The following TLL1 variants were observed in gnomAD, a reference collection of about 807,000 sequenced individuals.
TLL1 encodes the protein tolloid-like protein 1.
In TLL1, 49 loss-of-function variants were observed where a neutral mutation model predicts 128.2. The ratio of observed to expected loss-of-function variants is 0.38; its 90% confidence interval spans 0.30 to 0.48. TLL1 has a LOEUF of 0.48. Among genes scored for constraint, TLL1 ranks in the 20% least tolerant of loss-of-function variants. The pLI is 0.96. For missense variants in TLL1, 1,123 were observed against 1,242.0 expected, an observed-to-expected ratio of 0.90 and a Z score of 1.44; for synonymous variants, 454 against 418.8, an observed-to-expected ratio of 1.08 and a Z score of -1.03.
intron 16 of TLL1, among the ~76,000 whole-genome samples, chr4:166,073,196 G>A (rs558665468): frequency 3.0e-4 from 45 of 150,766 alleles, no homozygotes; most frequent in African/African-American, 1.1e-3. Context: ...TAGAAAGTCA[G>A]AGTGAAAAAC....
intron 1 of TLL1, among the ~76,000 whole-genome samples, chr4:165,884,457 G>A (rs1731088336): frequency 6.6e-6 from 1 of 152,224 alleles, no homozygotes; most frequent in African/African-American, 2.4e-5. Context: ...ACTAGTACAA[G>A]TGTAACCAAT....
chr4:165,940,473 A>G (rs978382198), intron 1 of TLL1, among the ~76,000 whole-genome samples: 8 of 152,176 alleles, frequency 5.3e-5, no homozygotes, highest in African/African-American at 1.9e-4. Context: ...TTAAAAATAC[A>G]TACGTGTATT....
intron 1 of TLL1, among the ~76,000 whole-genome samples, chr4:165,985,050 G>A (rs1448879611): frequency 6.6e-6 from 1 of 151,996 alleles, no homozygotes; most frequent in East Asian, 1.9e-4. Flanking sequence ...GCCTCAAAAT[G>A]TGTATATTGA....
intron 16 of TLL1, among the ~76,000 whole-genome samples, chr4:166,068,247 A>G (rs1740662356): frequency 6.6e-6 from 1 of 151,766 alleles, no homozygotes; most frequent in Admixed American, 6.6e-5. Flanking sequence ...TTTGTAATAA[A>G]TTGCTGTTGT....
intron 1 of TLL1, among the ~76,000 whole-genome samples, chr4:165,949,925 A>G (rs1308584317): frequency 1.3e-5 from 2 of 152,150 alleles, no homozygotes; most frequent in African/African-American, 4.8e-5. Flanking sequence ...AAATCCAAAC[A>G]TATTAATAAC....
intron 12 of TLL1, 95 bp from the exon 13 acceptor site, chr4:166,054,981 C>A: frequency 9.9e-7 from 1 of 1,014,230 alleles, no homozygotes; most frequent in Non-Finnish European, 1.4e-6. Flanking sequence ...TTTATATTAA[C>A]AAATCAGAAG....
intron 19 of TLL1, among the ~76,000 whole-genome samples, chr4:166,094,037 C>T (rs1203751112): frequency 6.6e-6 from 1 of 152,106 alleles, no homozygotes; most frequent in African/African-American, 2.4e-5. Flanking sequence ...TATGTCTTCC[C>T]TTTCTACATA....
chr4:165,902,057 G>A (rs910848856), intron 1 of TLL1, among the ~76,000 whole-genome samples: 6 of 152,126 alleles, frequency 3.9e-5, no homozygotes, highest in African/African-American at 1.2e-4. Flanking sequence ...GGGGAAAACC[G>A]ACTACTTAAG....
intron 1 of TLL1, among the ~76,000 whole-genome samples, chr4:165,985,916 C>A (rs1186051839): frequency 6.6e-6 from 1 of 151,736 alleles, no homozygotes; most frequent in Admixed American, 6.6e-5. Flanking sequence ...GCTCCAACCC[C>A]CTATTTGACC....
intron 1 of TLL1, among the ~76,000 whole-genome samples, chr4:165,941,871 T>A (rs1489537014): frequency 2.0e-5 from 3 of 152,104 alleles, no homozygotes; most frequent in Non-Finnish European, 4.4e-5. Context: ...TGATTTTAGG[T>A]CTTGGCTAGT....
chr4:166,018,064 T>C (rs1738034361), intron 8 of TLL1, among the ~76,000 whole-genome samples: 1 of 152,030 alleles, frequency 6.6e-6, no homozygotes, highest in Non-Finnish European at 1.5e-5. Context: ...ATAAATTGAG[T>C]TCGGATTGTG....
chr4:165,901,368 T>C (rs529562786), intron 1 of TLL1, among the ~76,000 whole-genome samples: 1 of 152,292 alleles, frequency 6.6e-6, no homozygotes, highest in African/African-American at 2.4e-5. Context: ...TTTTTCCTCA[T>C]CTTCATGGAT....
intron 9 of TLL1, among the ~76,000 whole-genome samples, chr4:166,036,069 T>C (rs1738983474): frequency 6.6e-6 from 1 of 152,186 alleles, no homozygotes; most frequent in Non-Finnish European, 1.5e-5. Context: ...TCTTCAGCCT[T>C]ATAAGGTATG....
chr4:166,000,923 T>C (rs954929550), intron 5 of TLL1, among the ~76,000 whole-genome samples: 11 of 152,176 alleles, frequency 7.2e-5, no homozygotes, highest in Admixed American at 7.2e-4. Flanking sequence ...TTAACTGCTA[T>C]AATAAATTTG....
chr4:165,908,192 G>A (rs1287571520), intron 1 of TLL1, among the ~76,000 whole-genome samples: 4 of 152,212 alleles, frequency 2.6e-5, no homozygotes, highest in Non-Finnish European at 4.4e-5. Context: ...ACATTTAGAA[G>A]AGTTAAATGA....
intron 1 of TLL1, among the ~76,000 whole-genome samples, chr4:165,914,738 T>C (rs2110878206): frequency 6.6e-6 from 1 of 152,310 alleles, no homozygotes; most frequent in East Asian, 1.9e-4. Flanking sequence ...CTGAGGACCC[T>C]GAACTTAGGG....
intron 12 of TLL1, among the ~76,000 whole-genome samples, chr4:166,045,251 G>C (rs572930529): frequency 1.3e-5 from 2 of 151,944 alleles, no homozygotes; most frequent in Admixed American, 6.6e-5. Context: ...TTTGATATCT[G>C]GTAGATCTCT....
intron 1 of TLL1, among the ~76,000 whole-genome samples, chr4:165,934,162 C>T (rs1308612192): frequency 1.2e-4 from 17 of 145,998 alleles, no homozygotes; most frequent in African/African-American, 4.1e-4. Flanking sequence ...CCACGCCCAG[C>T]TAATTTTTTG....
chr4:166,001,759 C>G (rs569443714), intron 5 of TLL1, among the ~76,000 whole-genome samples: 1 of 147,510 alleles, frequency 6.8e-6, no homozygotes, highest in Non-Finnish European at 1.5e-5. Flanking sequence ...TGTGCCACTG[C>G]ACACCAGCCT....
Sources: gnomAD v4.1 joint callset for allele counts (sites outside exome capture counted in the v4.1 genomes callset) on GRCh38, gnomAD v4.1.1 for gene constraint, MANE v1.5 for transcripts, NCBI Gene and HGNC (gene_info 2026-07-23, HGNC 2026-07-21) for gene names.